The following CDH23 variants were observed in gnomAD, a reference collection of about 807,000 sequenced individuals.
CDH23 encodes cadherin related 23.
Under a neutral mutation model 317.1 loss-of-function variants are expected in CDH23, and 189 were observed. The observed-to-expected ratio is 0.60, with a 90% CI of 0.53 to 0.67. The LOEUF is 0.67. Ranked by LOEUF, CDH23 falls within the 30% of genes least tolerant of loss-of-function variation. CDH23 has a pLI of 0.00. For synonymous variants in CDH23, 1,839 were observed against 1,876.8 expected, an observed-to-expected ratio of 0.98 and a Z score of 0.52; for missense variants, 4,401 against 4,592.4, an observed-to-expected ratio of 0.96 and a Z score of 1.20.
chr10:71,558,164 A>AT (rs1294029839), intron 6 of CDH23, among the ~76,000 whole-genome samples: 1 of 151,786 alleles, frequency 6.6e-6, no homozygotes, highest in Non-Finnish European at 1.5e-5. Flanking sequence ...TGCCCAACTA[A>AT]TTTTTTGTAT....
At chr10:71,789,615 C>A (rs770723173) in intron 45 of CDH23, among the ~76,000 whole-genome samples, 1 of 152,332 alleles carries the variant, frequency 6.6e-6, no homozygotes, top group South Asian at 2.1e-4. Flanking sequence ...GGGCATCCCC[C>A]CTAGGTGAAT....
At position 71,807,688 on chromosome 10, in the gene CDH23, C is replaced by T. The variant is rs2132989575; in HGVS notation, c.8481C>T (p.Leu2827=). The change falls in exon 59 of 70, where the codon CTC becomes CTT. Residue 2827 remains leucine, a synonymous_variant. Transcript: ENST00000224721. ...PSPTLDLVAD[L]TLQEVRVVLE... ...CAACCCTCGACCTGGTTGCTGACCTCACACTGCAGGAGGTGCGCGTTGTGC... is the reference window on the plus strand; with the variant it reads ...CAACCCTCGACCTGGTTGCTGACCTTACACTGCAGGAGGTGCGCGTTGTGC... The T allele has an allele frequency of 6.2e-7, 1 of 1,613,712 alleles. No individual in the cohort carries two copies. The highest frequency in any genetic ancestry group is 8.5e-7 in the Non-Finnish European group (1 of 1,179,762).
At chr10:71,460,404 G>C (rs954632974) in intron 3 of CDH23, among the ~76,000 whole-genome samples, 1 of 152,236 alleles carries the variant, frequency 6.6e-6, no homozygotes, top group African/African-American at 2.4e-5. Flanking sequence ...GGCTCTCTTG[G>C]CAGCAGGACT....
At chr10:71,613,480 T>C (rs752027938) in intron 9 of CDH23, among the ~76,000 whole-genome samples, 4 of 152,166 alleles carry the variant, frequency 2.6e-5, no homozygotes, top group African/African-American at 4.8e-5. Flanking sequence ...CAGGCCCCAC[T>C]GTCTGCAGCT....
rs12245016 is a variant in CDH23 at position 71,790,661 on chromosome 10, G to A, written c.6049+248G>A. 3,032 of 545,536 alleles carry A rather than the reference G, an allele frequency of 5.6e-3. 70 individuals carry two copies. Among genetic ancestry groups the A allele is most frequent in the African/African-American group, 0.053 (2,783 of 52,946 alleles). 33.8% of individuals were successfully genotyped at this position (545,536 alleles called of 1,614,324 possible). A position where few individuals can be genotyped will look rare whatever the true frequency, so the allele number is the denominator to read the frequency against. On this transcript the variant is annotated intron_variant, in intron 46 of 69. Coordinates refer to ENST00000224721, the MANE Select transcript of CDH23 (RefSeq NM_022124.6). ...GGTGCACGAACTCTCAGCCTGGGCC[G>A]GGAGCCCCCCAGCCCACTCCCGTCA...
Position 71,734,648 on chromosome 10 carries a change from G to T in CDH23, c.4207-8G>T, listed in dbSNP as rs748187466. On this transcript the variant is annotated splice_region_variant and splice_polypyrimidine_tract_variant and intron_variant, in intron 33 of 69. Transcript: ENST00000224721. Reference sequence around the variant, plus strand: ...TCACTCCCCTCCTGCTGCTGCCTCTGCCTACAGAAGGTGAGTAGCCTGTGG... The same window carrying T: ...TCACTCCCCTCCTGCTGCTGCCTCTTCCTACAGAAGGTGAGTAGCCTGTGG... 4.7e-6 allele frequency: 7 copies of T among 1,479,824 alleles called. No homozygotes were observed. In the Admixed American group the frequency reaches 1.3e-4, roughly 27 times the overall value. The allele number at this position is 1,479,824 out of a possible 1,614,324, so 91.7% of individuals were successfully genotyped here. A position where few individuals can be genotyped will look rare whatever the true frequency, so the allele number is the denominator to read the frequency against.
chr10:71,756,602 G>A (rs978315641), intron 38 of CDH23, among the ~76,000 whole-genome samples: 22 of 152,178 alleles, frequency 1.4e-4, no homozygotes, highest in Admixed American at 6.5e-4. Context: ...ACGAAGCTTC[G>A]CTGTCCCAAC....
intron 47 of CDH23, among the ~76,000 whole-genome samples, chr10:71,792,682 C>G (rs2132951836): frequency 6.6e-6 from 1 of 151,286 alleles, no homozygotes; most frequent in East Asian, 1.9e-4. Flanking sequence ...ATTAGCCAGG[C>G]ATGGTAGTGG....
At chr10:71,725,091 C>G (rs1465377205) in intron 29 of CDH23, among the ~76,000 whole-genome samples, 1 of 152,146 alleles carries the variant, frequency 6.6e-6, no homozygotes, top group Non-Finnish European at 1.5e-5. Flanking sequence ...CAGCAGGAGC[C>G]CCACCTGCTG....
chr10:71,451,984 G>A (rs976499655), intron 3 of CDH23, among the ~76,000 whole-genome samples: 1 of 152,212 alleles, frequency 6.6e-6, no homozygotes, highest in African/African-American at 2.4e-5. Context: ...GTGGCGATGG[G>A]GATGGCTGCC....
chr10:71,532,863 G>A (rs1855480074), intron 6 of CDH23, among the ~76,000 whole-genome samples: 1 of 151,756 alleles, frequency 6.6e-6, no homozygotes, highest in Non-Finnish European at 1.5e-5. Flanking sequence ...CCAAGTAAGT[G>A]GGATTACAGG....
intron 3 of CDH23, among the ~76,000 whole-genome samples, chr10:71,466,506 C>A (rs1352808983): frequency 6.6e-6 from 1 of 151,954 alleles, no homozygotes; most frequent in African/African-American, 2.4e-5. Flanking sequence ...GCGTGTGTCC[C>A]TGCTGATGTG....
rs1277313409 is a variant in CDH23, at chr10:71,807,692, C to A, written c.8485C>A (p.Leu2829Met). 23 of 1,613,638 alleles carry A rather than the reference C, an allele frequency of 1.4e-5. No homozygotes were observed. Among genetic ancestry groups the A allele is most frequent in the Non-Finnish European group, 1.9e-5 (22 of 1,179,736 alleles). Residue 2829 changes from leucine to methionine, a missense_variant, in exon 59 of 70, where the codon CTG becomes ATG. Leu to Met is a conservative substitution (Grantham distance 15). Coordinates refer to ENST00000224721, the MANE Select transcript of CDH23 (RefSeq NM_022124.6). ...PTLDLVADLT[L>M]QEVRVVLEDI... The stretch of plus-strand genomic sequence containing the variant: ...CCTCGACCTGGTTGCTGACCTCACA[C>A]TGCAGGAGGTGCGCGTTGTGCTAGA...
intron 10 of CDH23, 30 bp from the exon 11 acceptor site, chr10:71,617,175 C>A: frequency 6.3e-7 from 1 of 1,595,186 alleles, no homozygotes. Flanking sequence ...TAGCTGCCTT[C>A]ACTCCGGGGT....
chr10:71,789,129 G>A (rs980088255), intron 45 of CDH23, 87 bp downstream of exon 45: 11 of 721,246 alleles, frequency 1.5e-5, no homozygotes, highest in East Asian at 1.0e-4. Flanking sequence ...TATGCCTAAC[G>A]GCATAGCTGA....
intron 6 of CDH23, among the ~76,000 whole-genome samples, chr10:71,516,083 T>C (rs775568678): frequency 6.6e-6 from 1 of 152,184 alleles, no homozygotes; most frequent in East Asian, 1.9e-4. Context: ...CAGAGGAAAG[T>C]CAACTCTGAT....
intron 38 of CDH23, chr10:71,755,393 C>A: frequency 6.2e-7 from 1 of 1,613,294 alleles, no homozygotes; most frequent in African/African-American, 1.3e-5. Context: ...GCTTGTAGAC[C>A]AGGAGCAGGA....
chr10:71,699,424 G>C (rs1865506484), intron 22 of CDH23, among the ~76,000 whole-genome samples: 1 of 152,252 alleles, frequency 6.6e-6, no homozygotes, highest in African/African-American at 2.4e-5. Flanking sequence ...GCAGACAAGT[G>C]TCTTCCCACA....
intron 38 of CDH23, 136 bp from the exon 39 acceptor site, chr10:71,777,544 C>T: frequency 1.4e-6 from 1 of 734,062 alleles, no homozygotes; most frequent in East Asian, 2.7e-5. Context: ...AGCCTGTGAC[C>T]CACCCCCTGC....
Sources: gnomAD v4.1 joint callset for allele counts (sites outside exome capture counted in the v4.1 genomes callset) on GRCh38, gnomAD v4.1.1 for gene constraint, MANE v1.5 for transcripts, NCBI Gene and HGNC (gene_info 2026-07-23, HGNC 2026-07-21) for gene names.